Variants in NSF observed in about 807,000 individuals in gnomAD.
NSF encodes the protein N-ethylmaleimide sensitive factor, vesicle fusing ATPase, also known as vesicle-fusing ATPase.
A neutral mutation model predicts 50.3 loss-of-function variants in NSF; 14 were observed. The observed-to-expected ratio is 0.28, with a 90% CI of 0.18 to 0.44. NSF has a LOEUF of 0.44. NSF is among the 20% of genes least tolerant of loss of function. The probability of loss-of-function intolerance (pLI) is 1.00; values close to 1 mark genes in which losing one functional copy is unlikely to be tolerated. For missense variants in NSF, 218 were observed against 504.3 expected (o/e 0.43, Z 5.44); for synonymous variants, 109 against 175.7 (o/e 0.62, Z 3.00).
intron 12 of NSF, among the ~76,000 whole-genome samples, chr17:46,695,012 T>C (rs1463317199): frequency 9.0e-6 from 1 of 110,574 alleles, no homozygotes; most frequent in Non-Finnish European, 1.8e-5. Flanking sequence ...TTTGGGAGGC[T>C]GAGGCGGGCG....
In NSF at chr17:46,754,844, C is replaced by T. The variant is rs2059217607; in HGVS notation, c.2158-470C>T. On this transcript the variant is annotated intron_variant, in intron 19 of 20. Coordinates refer to ENST00000398238, the MANE Select transcript of NSF (RefSeq NM_006178.4). Reference sequence around the variant, plus strand: ...AGAAACTATATGACGGATACTGAGGCTAAGAAAAGCTACATGGTTGGTTAT... The same window carrying T: ...AGAAACTATATGACGGATACTGAGGTTAAGAAAAGCTACATGGTTGGTTAT... 1.3e-5 allele frequency among the ~76,000 whole-genome samples: 2 copies of T among 152,216 alleles called. 1 individual carries two copies. The highest frequency in any genetic ancestry group is 4.1e-4 in the South Asian group (2 of 4,832).
At chr17:46,598,945 C>T (rs1463181055) in intron 1 of NSF, among the ~76,000 whole-genome samples, 9 of 136,714 alleles carry the variant, frequency 6.6e-5, no homozygotes, top group Non-Finnish European at 1.1e-4. Flanking sequence ...TTGTGTATCG[C>T]TTTAGTGGAT....
chr17:46,707,025 A>G (rs1353184322), intron 13 of NSF, among the ~76,000 whole-genome samples: 1 of 149,316 alleles, frequency 6.7e-6, no homozygotes, highest in Non-Finnish European at 1.5e-5. Context: ...CGATTTTTGT[A>G]TTTTTAGTAG....
intron 12 of NSF, among the ~76,000 whole-genome samples, chr17:46,703,747 A>C (rs1188222662): frequency 6.6e-6 from 1 of 150,522 alleles, no homozygotes; most frequent in African/African-American, 2.4e-5. Context: ...AACCATTTTA[A>C]ATGTACAATT....
At position 46,704,852 on chromosome 17, in the gene NSF, C is replaced by G. The variant is rs1198506124; in HGVS notation, c.1468C>G (p.Pro490Ala). 1 of 1,597,092 alleles carries G rather than the reference C, an allele frequency of 6.3e-7. No individual in the cohort carries two copies. The highest frequency in any genetic ancestry group is 1.4e-5 in the African/African-American group (1 of 73,466). The change falls in exon 13 of 21, where the codon CCA becomes GCA. Residue 490 changes from proline (P) to alanine (A), a missense_variant and splice_region_variant. Around this residue, in one of 2 missense-constraint regions of NSF, gnomAD observed 209 missense variants for 320.9 expected, o/e 0.65. Transcript: ENST00000398238. ...FLASLENDIK[P>A]AFGTNQEDYA... is the part of the protein sequence containing the mutation. ...TGCTTCTTTGGAGAATGATATCAAA[C>G]CAGTGAGTATGCCCATTGAGTGATA...
intron 9 of NSF, among the ~76,000 whole-genome samples, chr17:46,676,233 CT>C (rs140135606): frequency 1.8e-3 from 238 of 135,602 alleles, no homozygotes; most frequent in East Asian, 2.0e-3. Context: ...AATTCTTCTT[CT>C]TTTTTTTTTT....
chr17:46,724,690 T>A (rs1400782926), intron 15 of NSF, among the ~76,000 whole-genome samples: 1 of 152,214 alleles, frequency 6.6e-6, no homozygotes, highest in Non-Finnish European at 1.5e-5. Context: ...TTTGTGAAAG[T>A]AGGATTATTT....
intron 1 of NSF, among the ~76,000 whole-genome samples, chr17:46,610,041 C>CTCTTTCTTTCTT (rs1555666759): frequency 8.4e-5 from 10 of 118,738 alleles, no homozygotes; most frequent in East Asian, 2.1e-4. Context: ...CTCTCTCTCT[C>CTCTTTCTTTCTT]TCTTTCTTTC....
chr17:46,723,751 C>G (rs2058856713), intron 15 of NSF, among the ~76,000 whole-genome samples: 1 of 152,220 alleles, frequency 6.6e-6, no homozygotes. Flanking sequence ...TCTCTAGATT[C>G]TGTCCACTTA....
At chr17:46,657,052 C>T (rs1178146704) in intron 8 of NSF, among the ~76,000 whole-genome samples, 1 of 29,522 alleles carries the variant, frequency 3.4e-5, no homozygotes, top group Admixed American at 3.4e-4. Flanking sequence ...CTACAACATT[C>T]TTTATTTTGT....
At chr17:46,714,062 A>G in intron 15 of NSF, 76 bp downstream of exon 15, 1 of 1,414,288 alleles carries the variant, frequency 7.1e-7, no homozygotes. Flanking sequence ...ATGCCTTTGT[A>G]CATGTATACA....
Position 46,713,850 on chromosome 17 carries a change from C to T in NSF, c.1628-3C>T, listed in dbSNP as rs1272068606. ...CCCCTGACTTGCTCATATCTTTATG[C>T]AGGCCCTCCTCACAGTGGGAAGACT... On this transcript the variant is annotated splice_region_variant and splice_polypyrimidine_tract_variant and intron_variant, in intron 14 of 20. Coordinates refer to ENST00000398238, the MANE Select transcript of NSF (RefSeq NM_006178.4). The T allele has an allele frequency of 6.2e-7, 1 of 1,608,718 alleles. No homozygotes were observed. The highest frequency in any genetic ancestry group is 8.5e-7 in the Non-Finnish European group (1 of 1,178,716).
chr17:46,723,464 A>G (rs2058854088), intron 15 of NSF, among the ~76,000 whole-genome samples: 1 of 152,238 alleles, frequency 6.6e-6, no homozygotes, highest in Non-Finnish European at 1.5e-5. Context: ...GTTGTCTCGA[A>G]TGTACCAACT....
chr17:46,708,982 G>A (rs2058690657), intron 13 of NSF, among the ~76,000 whole-genome samples: 1 of 151,432 alleles, frequency 6.6e-6, no homozygotes, highest in Admixed American at 6.6e-5. Flanking sequence ...GCGCCACCAT[G>A]CCCGACTAAT....
At chr17:46,665,945 T>G (rs954597348) in intron 8 of NSF, among the ~76,000 whole-genome samples, 2 of 132,654 alleles carry the variant, frequency 1.5e-5, no homozygotes, top group African/African-American at 5.4e-5. Context: ...TGGGCTATGT[T>G]GATCTAGCGT....
intron 19 of NSF, 66 bp from the exon 20 acceptor site, chr17:46,755,248 A>C (rs370992698): frequency 1.6e-6 from 2 of 1,235,286 alleles, no homozygotes; most frequent in Non-Finnish European, 1.2e-6. Context: ...CTGCCTTCTC[A>C]TGAAGCAAGT....
chr17:46,752,396 T>C (rs1414630210), intron 19 of NSF, among the ~76,000 whole-genome samples: 1 of 152,192 alleles, frequency 6.6e-6, no homozygotes, highest in African/African-American at 2.4e-5. Context: ...GCTCTTACTA[T>C]TGAGTCCACA....
chr17:46,730,528 T>C (rs1391889251), intron 17 of NSF, among the ~76,000 whole-genome samples: 2 of 152,160 alleles, frequency 1.3e-5, no homozygotes, highest in East Asian at 1.9e-4. Context: ...CACACTAAGA[T>C]TTAAGAATAA....
intron 8 of NSF, among the ~76,000 whole-genome samples, chr17:46,657,633 A>G (rs1434478817): frequency 4.0e-5 from 5 of 126,508 alleles, no homozygotes; most frequent in Non-Finnish European, 6.7e-5. Context: ...AAGGTCTGTC[A>G]CACTTAACGT....
Sources: gnomAD v4.1 joint callset for allele counts (sites outside exome capture counted in the v4.1 genomes callset) on GRCh38, gnomAD v4.1.1 for gene constraint, gnomAD v4.1.1 regional missense constraint, MANE v1.5 for transcripts, NCBI Gene and HGNC (gene_info 2026-07-23, HGNC 2026-07-21) for gene names.